The following CTNNA3 variants were observed in gnomAD, a reference collection of about 807,000 sequenced individuals.
CTNNA3 encodes the protein catenin alpha-3.
Under a neutral mutation model 95.7 loss-of-function variants are expected in CTNNA3, and 76 were observed. The observed-to-expected ratio is 0.79, with a 90% confidence interval of 0.66 to 0.96. The LOEUF is 0.96. Among genes scored for constraint, CTNNA3 ranks in the 40% least tolerant of loss-of-function variants. The pLI, the probability that CTNNA3 is intolerant of heterozygous loss-of-function variation, is 0.00. For synonymous variants in CTNNA3, 431 were observed against 374.4 expected, an observed-to-expected ratio of 1.15 and a Z score of -1.74; for missense variants, 1,191 against 1,089.8, an observed-to-expected ratio of 1.09 and a Z score of -1.31.
chr10:67,570,579 A>G (rs1340044510), intron 3 of CTNNA3, among the ~76,000 whole-genome samples: 3 of 152,148 alleles, frequency 2.0e-5, no homozygotes, highest in African/African-American at 7.2e-5. Context: ...GGACAACATT[A>G]CTGCTGTAAC....
At chr10:67,523,232 A>G (rs1293735456) in intron 4 of CTNNA3, among the ~76,000 whole-genome samples, 1 of 152,172 alleles carries the variant, frequency 6.6e-6, no homozygotes, top group Non-Finnish European at 1.5e-5. Context: ...TTTAGAACCT[A>G]CTATGCACAA....
intron 12 of CTNNA3, among the ~76,000 whole-genome samples, chr10:66,323,091 C>A (rs189703400): frequency 6.6e-6 from 1 of 151,956 alleles, no homozygotes; most frequent in Admixed American, 6.6e-5. Flanking sequence ...AAACCTGCAG[C>A]ACAAAAGCCT....
chr10:67,170,974 A>G (rs1861993006), intron 7 of CTNNA3, among the ~76,000 whole-genome samples: 1 of 152,178 alleles, frequency 6.6e-6, no homozygotes, highest in African/African-American at 2.4e-5. Flanking sequence ...TGATGTTTAT[A>G]TTGATTGCAT....
At chr10:67,745,671 C>T (rs1231434688) in intron 1 of CTNNA3, among the ~76,000 whole-genome samples, 1 of 151,564 alleles carries the variant, frequency 6.6e-6, no homozygotes, top group Non-Finnish European at 1.5e-5. Flanking sequence ...AATAATAAAA[C>T]TTAAAAAAAG....
At chr10:67,095,034 T>C (rs1198238090) in intron 7 of CTNNA3, among the ~76,000 whole-genome samples, 1 of 139,470 alleles carries the variant, frequency 7.2e-6, no homozygotes, top group Non-Finnish European at 1.5e-5. Flanking sequence ...TATATACATA[T>C]ATGTTTATAT....
At chr10:67,682,021 G>C (rs193240148) in intron 1 of CTNNA3, among the ~76,000 whole-genome samples, 16 of 152,150 alleles carry the variant, frequency 1.1e-4, no homozygotes, top group Non-Finnish European at 1.5e-5. Context: ...AGCCAGGCGT[G>C]GTGGTGGGCA....
intron 7 of CTNNA3, chr10:67,177,022 T>A (rs1434573175): frequency 2.1e-6 from 1 of 469,322 alleles, no homozygotes; most frequent in Non-Finnish European, 4.3e-6. Context: ...AGACACTAAG[T>A]GTGTGGTAAT....
chr10:67,222,788 C>T (rs759197569), intron 5 of CTNNA3, among the ~76,000 whole-genome samples: 3 of 152,124 alleles, frequency 2.0e-5, no homozygotes, highest in Non-Finnish European at 4.4e-5. Flanking sequence ...TCTGAAGTGA[C>T]CTATACATTA....
chr10:66,548,822 C>T (rs1842119719), intron 10 of CTNNA3, among the ~76,000 whole-genome samples: 1 of 150,612 alleles, frequency 6.6e-6, no homozygotes, highest in South Asian at 2.1e-4. Flanking sequence ...TTGGTCATAA[C>T]ATATTATCCT....
chr10:67,494,287 A>T (rs1163322265), intron 5 of CTNNA3, among the ~76,000 whole-genome samples: 1 of 152,186 alleles, frequency 6.6e-6, no homozygotes, highest in Non-Finnish European at 1.5e-5. Flanking sequence ...TCATTGTGTC[A>T]CTGTACTATT....
At chr10:67,481,535 C>T (rs951927158) in intron 5 of CTNNA3, among the ~76,000 whole-genome samples, 2 of 152,134 alleles carry the variant, frequency 1.3e-5, no homozygotes, top group Non-Finnish European at 2.9e-5. Context: ...ACAACTGCCC[C>T]ACCCCACCAA....
Position 67,494,129 on chromosome 10 carries a change from C to T in CTNNA3, c.579+27713G>A, listed in dbSNP as rs183174297. Among the ~76,000 whole-genome samples, 329 of 152,198 alleles carry T rather than the reference C, an allele frequency of 2.2e-3. 2 individuals carry two copies. Among genetic ancestry groups the T allele is most frequent in the African/African-American group, 7.6e-3 (314 of 41,512 alleles). ...GGATCTCAAAATAGATGCTGAAACC[C>T]AGCTATCCAAACCAGATGAAATGCT... On this transcript the variant is annotated intron_variant, in intron 5 of 17. Coordinates refer to ENST00000433211, the MANE Select transcript of CTNNA3 (RefSeq NM_013266.4).
intron 7 of CTNNA3, among the ~76,000 whole-genome samples, chr10:66,820,971 A>G (rs1842286784): frequency 6.6e-6 from 1 of 152,114 alleles, no homozygotes; most frequent in Non-Finnish European, 1.5e-5. Context: ...CCTCAGTTCC[A>G]TCATCATTAA....
At chr10:67,759,375 T>C (rs774076842) in intron 1 of CTNNA3, among the ~76,000 whole-genome samples, 5 of 152,246 alleles carry the variant, frequency 3.3e-5, no homozygotes, top group Non-Finnish European at 7.3e-5. Context: ...TCTGCAGTTG[T>C]TGTCAAACCT....
At chr10:66,115,671 A>G (rs1420180376) in intron 13 of CTNNA3, among the ~76,000 whole-genome samples, 3 of 152,088 alleles carry the variant, frequency 2.0e-5, no homozygotes, top group Non-Finnish European at 4.4e-5. Context: ...ACTTTCAGAA[A>G]TCGTTAAGCT....
intron 11 of CTNNA3, among the ~76,000 whole-genome samples, chr10:66,439,724 A>T (rs1470182271): frequency 6.6e-6 from 1 of 152,164 alleles, no homozygotes; most frequent in African/African-American, 2.4e-5. Context: ...AAAAATAAAA[A>T]TCACAAAATA....
chr10:66,715,237 G>T (rs1029754974), intron 9 of CTNNA3, among the ~76,000 whole-genome samples: 2 of 152,016 alleles, frequency 1.3e-5, no homozygotes, highest in Non-Finnish European at 2.9e-5. Flanking sequence ...TCTTTAAAAG[G>T]AAAGAAAGTC....
chr10:66,728,886 C>T (rs1451356449), intron 9 of CTNNA3, among the ~76,000 whole-genome samples: 1 of 152,118 alleles, frequency 6.6e-6, no homozygotes, highest in African/African-American at 2.4e-5. Context: ...TGGCATCCAG[C>T]CTTATTTAAG....
chr10:66,019,441 T>TC (rs147237229), intron 15 of CTNNA3, among the ~76,000 whole-genome samples: 1,902 of 151,906 alleles, frequency 0.013, 28 homozygotes, highest in African/African-American at 0.044. Flanking sequence ...GGGAATCAGA[T>TC]CCCCCCCAAA....
Sources: allele counts gnomAD v4.1 joint callset (sites outside exome capture counted in the v4.1 genomes callset), GRCh38; gene constraint gnomAD v4.1.1; transcripts MANE v1.5; gene names NCBI Gene and HGNC (gene_info 2026-07-23, HGNC 2026-07-21).